The following FBN1 variants were observed in gnomAD, a reference collection of about 807,000 sequenced individuals.
FBN1 encodes the protein fibrillin-1.
FBN1 carries 29 observed loss-of-function variants against 365.1 expected under a neutral mutation model. That is an observed-to-expected ratio of 0.08 (90% CI 0.06 to 0.11). The LOEUF is 0.11. FBN1 is among the 10% of genes least tolerant of loss of function. The pLI is 1.00. For missense variants in FBN1, 2,476 were observed against 3,703.2 expected (o/e 0.67, Z 8.60); for synonymous variants, 1,210 against 1,270.5 (o/e 0.95, Z 1.01).
intron 25 of FBN1, 89 bp downstream of exon 25, chr15:48,489,762 G>T: frequency 9.9e-7 from 1 of 1,009,754 alleles, no homozygotes; most frequent in Non-Finnish European, 1.6e-6. Flanking sequence ...TCCATGCTGG[G>T]ATGATCAAGT....
At chr15:48,431,171 C>G (rs2141233120) in intron 55 of FBN1, among the ~76,000 whole-genome samples, 1 of 152,228 alleles carries the variant, frequency 6.6e-6, no homozygotes, top group South Asian at 2.1e-4. Flanking sequence ...GATCTCAGCT[C>G]ACTTCAACCT....
At chr15:48,465,968 T>C (rs566608865) in intron 38 of FBN1, 110 bp from the exon 39 acceptor site, 1 of 785,764 alleles carries the variant, frequency 1.3e-6, no homozygotes, top group African/African-American at 1.7e-5. Flanking sequence ...TTTTCAGGAA[T>C]CTTTAGTTGT....
At chr15:48,574,476 C>A (rs2044329965) in intron 6 of FBN1, among the ~76,000 whole-genome samples, 1 of 151,250 alleles carries the variant, frequency 6.6e-6, no homozygotes, top group South Asian at 2.1e-4. Context: ...GTGGCTCTGG[C>A]AAAGGAGTCT....
chr15:48,412,515 C>G, intron 65 of FBN1, 54 bp downstream of exon 65: 3 of 1,591,226 alleles, frequency 1.9e-6, no homozygotes, highest in East Asian at 4.5e-5. Flanking sequence ...CCACAGGAAT[C>G]TGGAAGGGCT....
intron 17 of FBN1, among the ~76,000 whole-genome samples, chr15:48,500,414 G>A (rs1319096862): frequency 6.6e-6 from 1 of 150,888 alleles, no homozygotes; most frequent in East Asian, 1.9e-4. Flanking sequence ...CGATGACAAC[G>A]CTAATTGCTG....
chr15:48,606,976 C>T (rs2044617623), intron 4 of FBN1, among the ~76,000 whole-genome samples: 1 of 152,312 alleles, frequency 6.6e-6, no homozygotes, highest in Admixed American at 6.5e-5. Context: ...ACTTGCTCCC[C>T]ATGTGATGCC....
chr15:48,643,021 T>C (rs970245847), intron 2 of FBN1: 1 of 152,220 alleles, frequency 6.6e-6, no homozygotes, highest in African/African-American at 2.4e-5. Flanking sequence ...ATGAGACAAA[T>C]GTCTGACCAG....
intron 10 of FBN1, among the ~76,000 whole-genome samples, chr15:48,517,047 C>T (rs1597582006): frequency 6.6e-6 from 1 of 152,260 alleles, no homozygotes; most frequent in Middle Eastern, 3.4e-3. Context: ...AAGAATGACT[C>T]CTAGTTTTCT....
intron 2 of FBN1, among the ~76,000 whole-genome samples, chr15:48,622,421 G>A (rs529097134): frequency 7.3e-4 from 111 of 152,208 alleles, no homozygotes; most frequent in African/African-American, 2.6e-3. Context: ...GATGTTTCCC[G>A]GTTGCTAAGG....
chr15:48,523,095 G>C (rs2043874121), intron 9 of FBN1, among the ~76,000 whole-genome samples: 1 of 152,274 alleles, frequency 6.6e-6, no homozygotes, highest in South Asian at 2.1e-4. Context: ...ATATACTTGG[G>C]AATTAGTAAA....
At chr15:48,455,444 G>T (rs74011808) in intron 44 of FBN1, among the ~76,000 whole-genome samples, 1,545 of 152,308 alleles carry the variant, frequency 0.01, 28 homozygotes, top group African/African-American at 0.035. Context: ...GGGAAGGGTG[G>T]GGAGGAAAAT....
intron 2 of FBN1, chr15:48,640,854 A>G (rs1890185241): frequency 6.6e-6 from 1 of 152,200 alleles, no homozygotes. Context: ...AGGCAATCAT[A>G]AATAAATGGT....
chr15:48,431,792 T>C (rs965613994), intron 55 of FBN1, among the ~76,000 whole-genome samples: 8 of 152,118 alleles, frequency 5.3e-5, no homozygotes, highest in African/African-American at 1.4e-4. Context: ...GTAGGTGAGA[T>C]TACAAGAATG....
At chr15:48,517,402 G>C (rs1487530089) in intron 10 of FBN1, among the ~76,000 whole-genome samples, 2 of 152,202 alleles carry the variant, frequency 1.3e-5, no homozygotes, top group Non-Finnish European at 2.9e-5. Flanking sequence ...CAATGGAGAA[G>C]TGGCCCATAA....
At position 48,430,719 on chromosome 15, in the gene FBN1, T is replaced by C; in HGVS notation, c.6823A>G (p.Ile2275Val). The change falls in exon 56 of 66, where the codon ATC (isoleucine) becomes GTC (valine). Residue 2275 changes from isoleucine to valine, a missense_variant. Transcript: ENST00000316623. ...CTCCGCTGATACCCGGGTCCACAGA[T>C]GCACATATATGTGCCAATGAGGTTC... ...CKNLIGTYMC[I>V]CGPGYQRRPD... 8 of 1,613,894 alleles carry C rather than the reference T, an allele frequency of 5.0e-6. No homozygotes were observed. The highest frequency in any genetic ancestry group is 6.8e-6 in the Non-Finnish European group (8 of 1,179,792).
At chr15:48,598,399 G>T (rs28370880) in intron 5 of FBN1, among the ~76,000 whole-genome samples, 41,774 of 152,046 alleles carry the variant, frequency 0.27, 8,152 homozygotes, top group African/African-American at 0.55. Context: ...AAAAGATGTA[G>T]GTTATTGATG....
intron 17 of FBN1, among the ~76,000 whole-genome samples, chr15:48,502,224 T>A (rs2043666660): frequency 6.6e-6 from 1 of 152,132 alleles, no homozygotes; most frequent in Non-Finnish European, 1.5e-5. Flanking sequence ...GTTTGTATTT[T>A]TAGTAGAGAT....
rs773325628 is a variant in FBN1 at position 48,492,454 on chromosome 15, T to C, written c.2854+7A>G. On this transcript the variant is annotated splice_region_variant and intron_variant, in intron 24 of 65. Coordinates refer to ENST00000316623, the MANE Select transcript of FBN1 (RefSeq NM_000138.5). Reference sequence around the variant, plus strand: ...ATTATTAGAAAAATAATGAGCTCAGTATTTACCAAGACAGATCCTTCCTGT... The same window carrying C: ...ATTATTAGAAAAATAATGAGCTCAGCATTTACCAAGACAGATCCTTCCTGT... 1.8e-5 allele frequency: 29 copies of C among 1,612,480 alleles called. No homozygotes were observed. The highest frequency in any genetic ancestry group is 2.4e-5 in the Non-Finnish European group (28 of 1,178,598).
At chr15:48,591,217 T>C (rs1167012090) in intron 6 of FBN1, among the ~76,000 whole-genome samples, 2 of 152,156 alleles carry the variant, frequency 1.3e-5, no homozygotes. Flanking sequence ...ACAGCTAAAA[T>C]GTGTGATTAC....
Sources: gnomAD v4.1 joint callset for allele counts (sites outside exome capture counted in the v4.1 genomes callset) on GRCh38, gnomAD v4.1.1 for gene constraint, MANE v1.5 for transcripts, NCBI Gene and HGNC (gene_info 2026-07-23, HGNC 2026-07-21) for gene names.